The following WDR93 variants were observed in gnomAD, a reference collection of about 807,000 sequenced individuals.
The protein encoded by WDR93 is WD repeat domain 93.
Under a neutral mutation model 82.9 loss-of-function variants are expected in WDR93, and 73 were observed. The observed-to-expected ratio is 0.88, with a 90% confidence interval of 0.73 to 1.07. The LOEUF (loss-of-function observed/expected upper bound fraction) is 1.07, where lower values mean the gene tolerates loss of function less well. Ranked by LOEUF, WDR93 falls within the 50% of genes least tolerant of loss-of-function variation. WDR93 has a pLI of 0.00. For synonymous variants in WDR93, 283 were observed against 300.1 expected (o/e 0.94, Z 0.59); for missense variants, 738 against 826.0 (o/e 0.89, Z 1.31).
At chr15:89,692,245 G>A (rs183832719) in intron 1 of WDR93, among the ~76,000 whole-genome samples, 5 of 152,188 alleles carry the variant, frequency 3.3e-5, no homozygotes, top group African/African-American at 1.2e-4. Flanking sequence ...TGCAGGCCAT[G>A]GTGTCATTTG....
At chr15:89,740,910 C>T (rs1398022905) in intron 16 of WDR93, among the ~76,000 whole-genome samples, 5 of 151,678 alleles carry the variant, frequency 3.3e-5, no homozygotes, top group African/African-American at 4.8e-5. Flanking sequence ...GAGGCCAAGG[C>T]GGGTGGATCA....
Position 89,732,987 on chromosome 15 carries a change from G to C in WDR93, c.1331-19G>C, listed in dbSNP as rs751595274. 6.2e-7 allele frequency: 1 copy of C among 1,611,746 alleles called. No individual in the cohort carries two copies. The highest frequency in any genetic ancestry group is 1.3e-5 in the African/African-American group (1 of 74,886). On this transcript the variant is annotated intron_variant, in intron 12 of 16. Coordinates refer to ENST00000268130, the MANE Select transcript of WDR93 (RefSeq NM_020212.2). ...CCCTACCCCGTTTTCTGACCGGCTTGTGTGATTACTTTCTCTAGGATTCCC... is the reference window on the plus strand; with the variant it reads ...CCCTACCCCGTTTTCTGACCGGCTTCTGTGATTACTTTCTCTAGGATTCCC...
intron 6 of WDR93, among the ~76,000 whole-genome samples, chr15:89,715,807 A>T (rs8034805): frequency 0.01 from 1,575 of 152,178 alleles, 26 homozygotes; most frequent in Middle Eastern, 0.037. Flanking sequence ...GATGGTCTCA[A>T]TCTCCTGACC....
chr15:89,716,883 T>G, intron 6 of WDR93, 28 bp from the exon 7 acceptor site: 2 of 1,505,792 alleles, frequency 1.3e-6, no homozygotes, highest in Non-Finnish European at 1.8e-6. Flanking sequence ...AAACCTATTG[T>G]GAATTAATTT....
chr15:89,736,886 G>A (rs1967228926), intron 14 of WDR93, among the ~76,000 whole-genome samples: 1 of 151,930 alleles, frequency 6.6e-6, no homozygotes. Context: ...CTGCCTCCCG[G>A]GTTCACACCA....
At chr15:89,705,656 G>T (rs1278257409) in intron 4 of WDR93, 38 bp downstream of exon 4, 1 of 1,309,984 alleles carries the variant, frequency 7.6e-7, no homozygotes, top group Non-Finnish European at 1.1e-6. Context: ...TGGGCCAAAA[G>T]CTGTAGCAAA....
intron 14 of WDR93, 101 bp downstream of exon 14, chr15:89,735,654 A>G (rs1399075459): frequency 1.2e-5 from 15 of 1,244,848 alleles, no homozygotes; most frequent in Non-Finnish European, 1.8e-5. Flanking sequence ...AAGGCCTGTT[A>G]TGTGTTAGGC....
intron 7 of WDR93, among the ~76,000 whole-genome samples, chr15:89,720,650 C>CGAGAA (rs1477091077): frequency 6.6e-6 from 1 of 152,296 alleles, no homozygotes. Context: ...ATGGGCTTCT[C>CGAGAA]ATAAAATCCG....
intron 9 of WDR93, among the ~76,000 whole-genome samples, chr15:89,728,231 C>A (rs1966814822): frequency 6.6e-6 from 1 of 152,100 alleles, no homozygotes; most frequent in African/African-American, 2.4e-5. Context: ...ACTTTCCCAT[C>A]TTGGTGAGCA....
chr15:89,736,849 T>C (rs1289811722), intron 14 of WDR93, among the ~76,000 whole-genome samples: 1 of 149,768 alleles, frequency 6.7e-6, no homozygotes. Context: ...TGGAGTGCAG[T>C]GGTGCAATCT....
At chr15:89,708,356 CCAGAGAGCCCTGAA>C (rs889279519) in intron 4 of WDR93, among the ~76,000 whole-genome samples, 1 of 152,146 alleles carries the variant, frequency 6.6e-6, no homozygotes, top group African/African-American at 2.4e-5. Flanking sequence ...AGAGCGGACC[CCAGAGAGCCCTGAA>C]CAGCCCCACC....
chr15:89,737,521 G>A, intron 14 of WDR93, 52 bp from the exon 15 acceptor site: 1 of 1,610,254 alleles, frequency 6.2e-7, no homozygotes, highest in Non-Finnish European at 8.5e-7. Context: ...CGACCTTCCT[G>A]TGAGGGACAG....
At chr15:89,706,355 A>C (rs1965728072) in intron 4 of WDR93, among the ~76,000 whole-genome samples, 1 of 150,842 alleles carries the variant, frequency 6.6e-6, no homozygotes, top group South Asian at 2.1e-4. Context: ...GGGTCTTGCC[A>C]TGTTGTTGCC....
At chr15:89,724,054 T>C (rs911950103) in intron 8 of WDR93, among the ~76,000 whole-genome samples, 2 of 151,718 alleles carry the variant, frequency 1.3e-5, no homozygotes, top group African/African-American at 2.4e-5. Flanking sequence ...CAAAAAAAAA[T>C]AGCTGGGCGT....
At chr15:89,715,193 G>A in intron 6 of WDR93, 98 bp downstream of exon 6, 1 of 955,858 alleles carries the variant, frequency 1.0e-6, no homozygotes, top group East Asian at 2.6e-5. Context: ...GAGGCCTCTG[G>A]GCTATAAGAG....
At chr15:89,690,643 C>G (rs1964819444), upstream of WDR93, 24 of 1,549,988 alleles carry the variant, frequency 1.5e-5, no homozygotes, top group Non-Finnish European at 2.0e-5. Flanking sequence ...GGCTTCTAGC[C>G]CAAAGGCCAC....
intron 8 of WDR93, among the ~76,000 whole-genome samples, chr15:89,724,937 T>C (rs1039600192): frequency 2.0e-5 from 3 of 152,206 alleles, no homozygotes; most frequent in Admixed American, 2.0e-4. Context: ...ATTTGTGTCC[T>C]ATGACACAGT....
intron 1 of WDR93, among the ~76,000 whole-genome samples, chr15:89,692,187 C>T (rs971260231): frequency 6.6e-6 from 1 of 152,216 alleles, no homozygotes; most frequent in Non-Finnish European, 1.5e-5. Flanking sequence ...GAGGAGTGCT[C>T]ACATTAGCAG....
chr15:89,725,432 A>G (rs959206667), intron 8 of WDR93, among the ~76,000 whole-genome samples: 4 of 152,180 alleles, frequency 2.6e-5, no homozygotes, highest in Non-Finnish European at 1.5e-5. Context: ...GCATAAATAA[A>G]TGCAATGAAG....
Sources: allele counts gnomAD v4.1 joint callset (sites outside exome capture counted in the v4.1 genomes callset), GRCh38; gene constraint gnomAD v4.1.1; transcripts MANE v1.5; gene names NCBI Gene and HGNC (gene_info 2026-07-23, HGNC 2026-07-21).